The following RFWD3 variants were observed in gnomAD, a reference collection of about 807,000 sequenced individuals.
RFWD3 encodes E3 ubiquitin-protein ligase RFWD3.
Under a neutral mutation model 87.7 loss-of-function variants are expected in RFWD3, and 65 were observed. That is an observed-to-expected ratio of 0.74 (90% CI 0.61 to 0.91). The LOEUF is 0.91. RFWD3 is among the 40% of genes least tolerant of loss of function. The pLI, the probability that RFWD3 is intolerant of heterozygous loss-of-function variation, is 0.00. For missense variants in RFWD3, 1,078 were observed against 938.5 expected, an observed-to-expected ratio of 1.15 and a Z score of -1.94; for synonymous variants, 433 against 352.8, an observed-to-expected ratio of 1.23 and a Z score of -2.55.
At chr16:74,654,599 G>C (rs922719536) in intron 2 of RFWD3, among the ~76,000 whole-genome samples, 1 of 152,088 alleles carries the variant, frequency 6.6e-6, no homozygotes, top group African/African-American at 2.4e-5. Flanking sequence ...TTCAAATTAA[G>C]GGAAGAGTCA....
rs1434686603 is a variant in RFWD3, at chr16:74,644,118, G to A, written c.1079+244C>T. ...GATATGAGAAGCAAAAATGGCAACA[G>A]AAGTAATGTGCCAGATCCTTGTGTT... On this transcript the variant is annotated intron_variant, in intron 6 of 12. Transcript: ENST00000361070. 12 of 558,310 alleles carry A rather than the reference G, an allele frequency of 2.1e-5. 1 individual carries two copies. The South Asian group carries it at 2.7e-4, about 13-fold the overall frequency. 34.6% of individuals were successfully genotyped at this position (558,310 alleles called of 1,614,324 possible). A position where few individuals can be genotyped will look rare whatever the true frequency, so the allele number is the denominator to read the frequency against.
chr16:74,666,636 C>G (rs1021639617), intron 1 of RFWD3, 150 bp downstream of exon 1: 3 of 152,330 alleles, frequency 2.0e-5, no homozygotes, highest in African/African-American at 7.2e-5. Context: ...GCCCCGAGGG[C>G]CCGAATCCCC....
chr16:74,625,514 G>GAA (rs34657625), intron 12 of RFWD3, among the ~76,000 whole-genome samples: 248 of 143,092 alleles, frequency 1.7e-3, no homozygotes, highest in Middle Eastern at 3.7e-3. Context: ...ACCGTCTCAA[G>GAA]AAAAAAAAAA....
chr16:74,651,829 G>T, intron 3 of RFWD3, 91 bp downstream of exon 3: 1 of 1,116,330 alleles, frequency 9.0e-7, no homozygotes, highest in Non-Finnish European at 1.3e-6. Flanking sequence ...AAAAGGGAAA[G>T]TGTCAAAGCA....
chr16:74,662,587 C>T (rs1031102984), intron 1 of RFWD3, among the ~76,000 whole-genome samples: 1 of 152,132 alleles, frequency 6.6e-6, no homozygotes, highest in African/African-American at 2.4e-5. Flanking sequence ...GAAAATTGGG[C>T]TGAGGCATGA....
At position 74,665,524 on chromosome 16, in the gene RFWD3, G is replaced by C. The variant is rs765756252; in HGVS notation, c.-3+1262C>G. On this transcript the variant is annotated intron_variant, in intron 1 of 12. Coordinates refer to ENST00000361070, the MANE Select transcript of RFWD3 (RefSeq NM_018124.4). ...ACCCGGGAGGCAGAGGTTGCAGTGAGCCGAGATCGCACCACTGCACTCCAG... is the reference window on the plus strand; with the variant it reads ...ACCCGGGAGGCAGAGGTTGCAGTGACCCGAGATCGCACCACTGCACTCCAG... Among the ~76,000 whole-genome samples the C allele has an allele frequency of 1.2e-3, 177 of 151,896 alleles. 2 individuals carry two copies. The highest frequency in any genetic ancestry group is 3.8e-4 in the Non-Finnish European group (26 of 67,962).
Position 74,634,216 on chromosome 16 carries a change from A to T in RFWD3, c.1427-1543T>A, listed in dbSNP as rs141601833. Among the ~76,000 whole-genome samples the T allele has an allele frequency of 7.9e-5, 12 of 152,322 alleles. No individual in the cohort carries two copies. In the East Asian group the frequency reaches 2.3e-3, roughly 29 times the overall value. On this transcript the variant is annotated intron_variant, in intron 8 of 12. Coordinates refer to ENST00000361070, the MANE Select transcript of RFWD3 (RefSeq NM_018124.4). ...AAATAAATAATTTGTCAGTCAAGAT[A>T]TGTCACATCTGTCTGAAATGAAATG...
chr16:74,635,228 G>C (rs1010151254), intron 8 of RFWD3, among the ~76,000 whole-genome samples: 25 of 151,872 alleles, frequency 1.6e-4, no homozygotes, highest in African/African-American at 5.8e-4. Flanking sequence ...AGTGAGCCGA[G>C]ATAGAGACAG....
Position 74,623,995 on chromosome 16 carries a change from T to G in RFWD3, c.2258A>C (p.Glu753Ala). 1 of 1,614,094 alleles carries G rather than the reference T, an allele frequency of 6.2e-7. No individual in the cohort carries two copies. The highest frequency in any genetic ancestry group is 8.5e-7 in the Non-Finnish European group (1 of 1,180,008). ...DQPVLDICPF[E>A]VNRNSYLATL... The stretch of plus-strand genomic sequence containing the variant: ...AGCCAAGTAGCTGTTACGGTTCACC[T>G]CAAATGGGCAGATGTCCAACACAGG... The change falls in exon 13 of 13, where the codon GAG becomes GCG. Residue 753 changes from glutamate to alanine, a missense_variant. Glu to Ala is a moderately radical substitution (Grantham distance 107, BLOSUM62 -1). Coordinates refer to ENST00000361070, the MANE Select transcript of RFWD3 (RefSeq NM_018124.4).
intron 8 of RFWD3, among the ~76,000 whole-genome samples, chr16:74,633,906 C>T (rs1184769933): frequency 2.0e-5 from 3 of 151,320 alleles, no homozygotes; most frequent in East Asian, 1.9e-4. Context: ...GCTGAGATCA[C>T]ACCCCTCCCT....
At chr16:74,661,615 G>C (rs1262545405) in intron 1 of RFWD3, among the ~76,000 whole-genome samples, 164 bp from the exon 2 acceptor site, 2 of 152,150 alleles carry the variant, frequency 1.3e-5, no homozygotes, top group Non-Finnish European at 2.9e-5. Context: ...GAAGTGTTTG[G>C]TAATGGACTT....
intron 2 of RFWD3, among the ~76,000 whole-genome samples, chr16:74,653,588 G>A (rs1235762715): frequency 6.6e-6 from 1 of 152,132 alleles, no homozygotes; most frequent in Admixed American, 6.6e-5. Flanking sequence ...CAAGGCAGGA[G>A]GATTGCTTGA....
rs1209075976 is a variant in RFWD3 at position 74,661,372 on chromosome 16, CATGCCAGCAGGAGCTGGCT to C, written c.59_77del (p.Gln20ArgfsTer35). On this transcript the variant is annotated frameshift_variant, in exon 2 of 13. Transcript: ENST00000361070. LOFTEE classifies it high-confidence loss of function. ...GGGCTGGTCCCCCTTGGCTGCTGGC[CATGCCAGCAGGAGCTGGCT>C]GTTGTTCGGCATGATTTAACTGCAC... The C allele has an allele frequency of 1.9e-6, 3 of 1,613,774 alleles. No individual in the cohort carries two copies. Among genetic ancestry groups the C allele is most frequent in the African/African-American group, 2.7e-5 (2 of 74,924 alleles).
intron 1 of RFWD3, among the ~76,000 whole-genome samples, chr16:74,664,112 T>C (rs910994127): frequency 2.0e-5 from 3 of 152,204 alleles, no homozygotes; most frequent in Non-Finnish European, 4.4e-5. Flanking sequence ...TGTGAGATAC[T>C]TCAAGTTTTA....
intron 2 of RFWD3, 129 bp from the exon 3 acceptor site, chr16:74,652,251 C>G (rs1960628197): frequency 3.8e-6 from 3 of 798,096 alleles, no homozygotes; most frequent in African/African-American, 1.7e-5. Context: ...CCTTTGAAAG[C>G]TGAAGCAGGT....
intron 6 of RFWD3, among the ~76,000 whole-genome samples, chr16:74,641,033 T>A (rs1959597533): frequency 3.9e-5 from 6 of 152,140 alleles, no homozygotes; most frequent in African/African-American, 1.4e-4. Flanking sequence ...AATTTGACAA[T>A]ATTTAGGTAA....
At chr16:74,626,097 G>A (rs965122325) in intron 12 of RFWD3, among the ~76,000 whole-genome samples, 2 of 152,184 alleles carry the variant, frequency 1.3e-5, no homozygotes, top group African/African-American at 2.4e-5. Context: ...TGAGGCAGGA[G>A]AATCACTTGA....
At chr16:74,632,745 G>A in intron 8 of RFWD3, 72 bp from the exon 9 acceptor site, 1 of 1,415,652 alleles carries the variant, frequency 7.1e-7, no homozygotes. Flanking sequence ...AGTTTTTCAA[G>A]TAGCTCCTTC....
At chr16:74,631,117 A>C (rs1307138917) in intron 9 of RFWD3, among the ~76,000 whole-genome samples, 160 bp from the exon 10 acceptor site, 1 of 152,230 alleles carries the variant, frequency 6.6e-6, no homozygotes, top group African/African-American at 2.4e-5. Context: ...CTGCCCAGGT[A>C]ACTCCTTTAA....
Sources: allele counts gnomAD v4.1 joint callset (sites outside exome capture counted in the v4.1 genomes callset), GRCh38; gene constraint gnomAD v4.1.1; transcripts MANE v1.5; gene names NCBI Gene and HGNC (gene_info 2026-07-23, HGNC 2026-07-21).